DGKI: variants seen among roughly 807,000 people sequenced by gnomAD.
DGKI encodes diacylglycerol kinase iota.
Under a neutral mutation model 147.5 loss-of-function variants are expected in DGKI, and 55 were observed. The observed-to-expected ratio is 0.37, with a 90% CI of 0.30 to 0.47. The LOEUF is 0.47. Among genes scored for constraint, DGKI ranks in the 20% least tolerant of loss-of-function variants. DGKI has a pLI of 1.00. For synonymous variants in DGKI, 469 were observed against 477.1 expected (o/e 0.98, Z 0.22); for missense variants, 1,007 against 1,323.8 (o/e 0.76, Z 3.71).
intron 5 of DGKI, among the ~76,000 whole-genome samples, chr7:137,653,236 G>C (rs184066878): frequency 6.6e-6 from 1 of 152,316 alleles, no homozygotes; most frequent in African/African-American, 2.4e-5. Flanking sequence ...TGTCAATTTT[G>C]TTTCCTTCAA....
chr7:137,668,214 AG>A (rs1197109431), intron 3 of DGKI, among the ~76,000 whole-genome samples: 1 of 152,204 alleles, frequency 6.6e-6, no homozygotes, highest in Non-Finnish European at 1.5e-5. Flanking sequence ...TGAGATCCCT[AG>A]GGGAACTGAC....
intron 21 of DGKI, among the ~76,000 whole-genome samples, chr7:137,512,376 T>C (rs529512205): frequency 1.3e-5 from 2 of 152,298 alleles, no homozygotes; most frequent in East Asian, 3.9e-4. Flanking sequence ...GTTGTGACTC[T>C]GCAATGGCCA....
chr7:137,511,623 G>A (rs1379849289), intron 21 of DGKI, among the ~76,000 whole-genome samples: 7 of 152,208 alleles, frequency 4.6e-5, no homozygotes, highest in African/African-American at 9.6e-5. Context: ...TCAATAGATC[G>A]TTGTTAAATG....
chr7:137,433,401 T>C (rs75385453), intron 28 of DGKI, among the ~76,000 whole-genome samples: 2,192 of 152,288 alleles, frequency 0.014, 52 homozygotes, highest in African/African-American at 0.05. Context: ...GCCAGTCCTT[T>C]GCAAGAGGAG....
chr7:137,403,009 G>A (rs1811819188), intron 30 of DGKI, among the ~76,000 whole-genome samples: 1 of 152,148 alleles, frequency 6.6e-6, no homozygotes. Context: ...AAAAACAAAA[G>A]AGCAGAGTGT....
intron 21 of DGKI, among the ~76,000 whole-genome samples, chr7:137,491,446 G>C (rs1033341347): frequency 2.0e-5 from 3 of 152,104 alleles, no homozygotes; most frequent in Non-Finnish European, 2.9e-5. Flanking sequence ...ATTAACATGA[G>C]AACAGGCCCA....
At chr7:137,843,243 T>C (rs1798598481) in intron 1 of DGKI, 1 of 173,554 alleles carries the variant, frequency 5.8e-6, no homozygotes, top group African/African-American at 2.5e-5. Flanking sequence ...TTTTTTTTTA[T>C]TGTACTGACT....
At chr7:137,406,930 CAAAAA>C (rs3046570) in intron 30 of DGKI, among the ~76,000 whole-genome samples, 1 of 92,544 alleles carries the variant, frequency 1.1e-5, no homozygotes, top group East Asian at 3.5e-4. Flanking sequence ...TGCTGAATTG[CAAAAA>C]AAAAAAAAAA....
chr7:137,599,770 A>C (rs1465420225), intron 11 of DGKI, 53 bp downstream of exon 11: 3 of 1,544,362 alleles, frequency 1.9e-6, no homozygotes, highest in Non-Finnish European at 2.7e-6. Context: ...GAAGCAGAAA[A>C]TTCTCACTTG....
At chr7:137,600,359 A>G (rs1285105944) in intron 10 of DGKI, among the ~76,000 whole-genome samples, 2 of 152,222 alleles carry the variant, frequency 1.3e-5, no homozygotes, top group Non-Finnish European at 2.9e-5. Flanking sequence ...ATGGATAGCC[A>G]TAGGTTGAAT....
intron 1 of DGKI, among the ~76,000 whole-genome samples, chr7:137,764,660 C>A (rs1795954291): frequency 6.6e-6 from 1 of 152,152 alleles, no homozygotes. Flanking sequence ...GTCTAGGGTA[C>A]CTGCAACAGC....
At chr7:137,477,312 T>C (rs756982335) in intron 23 of DGKI, among the ~76,000 whole-genome samples, 4 of 152,236 alleles carry the variant, frequency 2.6e-5, no homozygotes, top group African/African-American at 7.2e-5. Context: ...AACTTTGCTG[T>C]ATGCATTATG....
intron 1 of DGKI, among the ~76,000 whole-genome samples, chr7:137,708,336 AGC>A (rs1794106080): frequency 6.6e-6 from 1 of 152,180 alleles, no homozygotes; most frequent in African/African-American, 2.4e-5. Context: ...ACTCCAAAAA[AGC>A]AATATCTTCT....
At position 137,436,903 on chromosome 7, in the gene DGKI, A is replaced by G. The variant is rs562426817; in HGVS notation, c.2761+7174T>C. ...ACAGACCAAGGGGAAAAAAATTGTC[A>G]TCTCTCAAGATGAAGAAAAGAGTAT... is the stretch of plus-strand genomic sequence containing the variant. On this transcript the variant is annotated intron_variant, in intron 28 of 32. Coordinates refer to ENST00000614521, the MANE Select transcript of DGKI (RefSeq NM_001321708.2). Among the ~76,000 whole-genome samples, 5 of 152,316 alleles carry G rather than the reference A, an allele frequency of 3.3e-5. No individual in the cohort carries two copies. The South Asian group carries it at 1.0e-3, about 32-fold the overall frequency.
chr7:137,476,923 G>A (rs906608652), intron 23 of DGKI, among the ~76,000 whole-genome samples: 1 of 152,168 alleles, frequency 6.6e-6, no homozygotes, highest in Non-Finnish European at 1.5e-5. Flanking sequence ...GGTTTTGAAG[G>A]AAGAGTGAGG....
chr7:137,700,840 T>C (rs1246287890), intron 1 of DGKI, among the ~76,000 whole-genome samples: 2 of 151,942 alleles, frequency 1.3e-5, no homozygotes, highest in African/African-American at 2.4e-5. Flanking sequence ...ATGGCGCCAC[T>C]GCACTCCAGC....
At chr7:137,407,777 T>C in intron 30 of DGKI, 98 bp downstream of exon 30, 4 of 1,494,056 alleles carry the variant, frequency 2.7e-6, no homozygotes, top group Non-Finnish European at 3.7e-6. Flanking sequence ...ATTTCTGCCA[T>C]TCTGAAAACT....
At chr7:137,649,950 G>T (rs577078330) in intron 5 of DGKI, among the ~76,000 whole-genome samples, 1 of 150,894 alleles carries the variant, frequency 6.6e-6, no homozygotes, top group African/African-American at 2.5e-5. Flanking sequence ...CCAGGGCATA[G>T]TGACCAACAA....
At chr7:137,579,738 G>A (rs1238841248) in intron 15 of DGKI, among the ~76,000 whole-genome samples, 1 of 152,056 alleles carries the variant, frequency 6.6e-6, no homozygotes, top group African/African-American at 2.4e-5. Flanking sequence ...CAGGGGAAAT[G>A]TTTACAATTC....
Sources: gnomAD v4.1 joint callset for allele counts (sites outside exome capture counted in the v4.1 genomes callset) on GRCh38, gnomAD v4.1.1 for gene constraint, MANE v1.5 for transcripts, NCBI Gene and HGNC (gene_info 2026-07-23, HGNC 2026-07-21) for gene names.